Variants in CSMD1 observed in about 807,000 individuals in gnomAD.
CSMD1 encodes CUB and Sushi multiple domains 1, also known as CUB and sushi domain-containing protein 1.
Under a neutral mutation model 417.5 loss-of-function variants are expected in CSMD1, and 213 were observed. That is an observed-to-expected ratio of 0.51 (90% confidence interval 0.46 to 0.57). The LOEUF is 0.57. Ranked by LOEUF, CSMD1 falls within the 20% of genes least tolerant of loss-of-function variation. The pLI is 0.00. For synonymous variants in CSMD1, 2,862 were observed against 1,736.8 expected (o/e 1.65, Z -16.11); for missense variants, 6,923 against 4,529.7 (o/e 1.53, Z -15.17).
chr8:3,990,892 T>C (rs13249983), intron 5 of CSMD1, among the ~76,000 whole-genome samples: 2 of 151,996 alleles, frequency 1.3e-5, no homozygotes, highest in East Asian at 3.9e-4. Context: ...CTCCTGGAGG[T>C]CCATTCTGAC....
intron 1 of CSMD1, among the ~76,000 whole-genome samples, chr8:4,915,490 A>G (rs1001094252): frequency 1.3e-5 from 2 of 152,088 alleles, no homozygotes; most frequent in Non-Finnish European, 2.9e-5. Context: ...ACATATATTT[A>G]TTTTTCTTGG....
intron 6 of CSMD1, among the ~76,000 whole-genome samples, chr8:3,746,494 G>C (rs1249477286): frequency 1.3e-5 from 2 of 150,206 alleles, no homozygotes; most frequent in African/African-American, 2.4e-5. Context: ...TAATATTTCA[G>C]AGACACAACT....
At position 4,823,895 on chromosome 8, in the gene CSMD1, T is replaced by C. The variant is rs184391067; in HGVS notation, c.85+170437A>G. Reference sequence around the variant, plus strand: ...TTAATATTGAACTTTGAGAGAGAAATACTCTTAACAAGAGAAGAAAGAGGA... The same window carrying C: ...TTAATATTGAACTTTGAGAGAGAAACACTCTTAACAAGAGAAGAAAGAGGA... On this transcript the variant is annotated intron_variant, in intron 1 of 69. Coordinates refer to ENST00000635120, the MANE Select transcript of CSMD1 (RefSeq NM_033225.6). 4.0e-3 allele frequency among the ~76,000 whole-genome samples: 615 copies of C among 151,902 alleles called. 1 individual carries two copies. The highest frequency in any genetic ancestry group is 0.014 in the African/African-American group (593 of 41,426).
intron 1 of CSMD1, among the ~76,000 whole-genome samples, chr8:4,852,609 A>T (rs1338968841): frequency 6.6e-6 from 1 of 152,180 alleles, no homozygotes; most frequent in Non-Finnish European, 1.5e-5. Context: ...TGTTGCTATA[A>T]AGATACTTGA....
rs144321271 is a variant in CSMD1 at position 4,108,481 on chromosome 8, G to A, written c.416-76382C>T. ...CTGCTTTAAAAGCATCAGATTTAGT[G>A]GCAAGTGATTGCTCTTATAAATGCA... is the stretch of plus-strand genomic sequence containing the variant. On this transcript the variant is annotated intron_variant, in intron 3 of 69. Coordinates refer to ENST00000635120, the MANE Select transcript of CSMD1 (RefSeq NM_033225.6). 5.0e-3 allele frequency among the ~76,000 whole-genome samples: 758 copies of A among 152,186 alleles called. 4 individuals are homozygous for A. Among genetic ancestry groups the A allele is most frequent in the African/African-American group, 0.017 (709 of 41,536 alleles).
intron 15 of CSMD1, among the ~76,000 whole-genome samples, chr8:3,405,156 T>G (rs944677446): frequency 1.3e-5 from 2 of 152,176 alleles, no homozygotes; most frequent in African/African-American, 4.8e-5. Context: ...AAATCTATGC[T>G]AACAAGATAG....
At chr8:3,215,741 T>A (rs949340831) in intron 29 of CSMD1, among the ~76,000 whole-genome samples, 1 of 152,166 alleles carries the variant, frequency 6.6e-6, no homozygotes, top group African/African-American at 2.4e-5. Context: ...TGAAAAAGTG[T>A]ATAACCCTGC....
At chr8:4,856,234 C>G (rs1480118765) in intron 1 of CSMD1, among the ~76,000 whole-genome samples, 1 of 135,808 alleles carries the variant, frequency 7.4e-6, no homozygotes, top group African/African-American at 2.8e-5. Context: ...TTGTCACCAC[C>G]AGGCCTGCCT....
chr8:3,909,773 A>G (rs2129138619), intron 5 of CSMD1, among the ~76,000 whole-genome samples: 1 of 152,302 alleles, frequency 6.6e-6, no homozygotes, highest in Admixed American at 6.5e-5. Context: ...TACGAACTCG[A>G]CAAATTTGAA....
intron 7 of CSMD1, among the ~76,000 whole-genome samples, chr8:3,630,061 G>GT (rs3086631): frequency 1.3e-5 from 2 of 152,024 alleles, no homozygotes; most frequent in African/African-American, 2.4e-5. Flanking sequence ...CTACATTAGA[G>GT]ATCAAAATCC....
chr8:4,471,365 G>A (rs191283056), intron 2 of CSMD1, among the ~76,000 whole-genome samples: 1 of 152,142 alleles, frequency 6.6e-6, no homozygotes, highest in African/African-American at 2.4e-5. Context: ...AAGACATTGG[G>A]TTAGACTATT....
At chr8:4,611,049 A>G (rs1332237973) in intron 2 of CSMD1, among the ~76,000 whole-genome samples, 1 of 151,620 alleles carries the variant, frequency 6.6e-6, no homozygotes. Context: ...TTTTTGGTCT[A>G]TTTACAAAAA....
chr8:3,182,895 T>TTA (rs1563119802), intron 36 of CSMD1: 11 of 141,738 alleles, frequency 7.8e-5, no homozygotes, highest in East Asian at 6.5e-4. Context: ...TGTGTGTGTG[T>TTA]GTATTGTTAG....
At chr8:4,575,171 A>G (rs946897845) in intron 2 of CSMD1, among the ~76,000 whole-genome samples, 1 of 152,220 alleles carries the variant, frequency 6.6e-6, no homozygotes, top group African/African-American at 2.4e-5. Flanking sequence ...GTGGCCAAGA[A>G]CTGTATCTTA....
intron 5 of CSMD1, among the ~76,000 whole-genome samples, chr8:3,955,199 G>C (rs966986668): frequency 2.6e-5 from 4 of 152,144 alleles, no homozygotes; most frequent in Non-Finnish European, 5.9e-5. Flanking sequence ...CACGTGCAGA[G>C]CACCTTGAAT....
Position 3,608,365 on chromosome 8 carries a change from A to C in CSMD1, c.1097+8345T>G, listed in dbSNP as rs186022108. Among the ~76,000 whole-genome samples, 9 of 152,236 alleles carry C rather than the reference A, an allele frequency of 5.9e-5. No individual in the cohort carries two copies. In the East Asian group the frequency reaches 1.7e-3, roughly 30 times the overall value. On this transcript the variant is annotated intron_variant, in intron 8 of 69. Coordinates refer to ENST00000635120, the MANE Select transcript of CSMD1 (RefSeq NM_033225.6). ...GAAGAAAAGAGAAAAGGGACATGGA[A>C]GCAGTTGAGAAGCTCAAGTTTCAGA...
At chr8:3,613,296 A>G (rs1415060153) in intron 8 of CSMD1, 1 of 422,124 alleles carries the variant, frequency 2.4e-6, no homozygotes, top group South Asian at 1.7e-5. Context: ...GAAAATTCCA[A>G]TTCCAGGTAG....
At chr8:3,484,812 G>A (rs1047586901) in intron 11 of CSMD1, among the ~76,000 whole-genome samples, 4 of 152,158 alleles carry the variant, frequency 2.6e-5, no homozygotes, top group African/African-American at 9.7e-5. Flanking sequence ...TAGTAAATAA[G>A]CATCTGACAA....
intron 25 of CSMD1, among the ~76,000 whole-genome samples, chr8:3,296,456 T>C (rs1201317625): frequency 1.3e-5 from 2 of 152,096 alleles, no homozygotes; most frequent in Non-Finnish European, 2.9e-5. Context: ...CTTTGTAGGC[T>C]GTTTTAAGGA....
Sources: allele counts gnomAD v4.1 joint callset (sites outside exome capture counted in the v4.1 genomes callset), GRCh38; gene constraint gnomAD v4.1.1; transcripts MANE v1.5; gene names NCBI Gene and HGNC (gene_info 2026-07-23, HGNC 2026-07-21).